Variants in PPP1R9A observed in about 807,000 individuals in gnomAD.
PPP1R9A encodes the protein protein phosphatase 1 regulatory subunit 9A.
A neutral mutation model predicts 141.9 loss-of-function variants in PPP1R9A; 59 were observed. The observed-to-expected ratio is 0.42, with a 90% CI of 0.34 to 0.52. The LOEUF is 0.52. Among genes scored for constraint, PPP1R9A ranks in the 20% least tolerant of loss-of-function variants. The pLI, the probability that PPP1R9A is intolerant of heterozygous loss-of-function variation, is 0.10. For synonymous variants in PPP1R9A, 500 were observed against 569.7 expected, an observed-to-expected ratio of 0.88 and a Z score of 1.74; for missense variants, 1,444 against 1,611.9, an observed-to-expected ratio of 0.90 and a Z score of 1.78.
intron 2 of PPP1R9A, among the ~76,000 whole-genome samples, chr7:95,089,721 G>GT (rs368117090): frequency 0.35 from 50,856 of 147,154 alleles, 9,773 homozygotes; most frequent in Non-Finnish European, 0.44. Context: ...TTAGAAGCTC[G>GT]TTTTTTTTTT....
At chr7:95,237,609 A>G (rs1796896252) in intron 8 of PPP1R9A, among the ~76,000 whole-genome samples, 1 of 152,174 alleles carries the variant, frequency 6.6e-6, no homozygotes, top group South Asian at 2.1e-4. Flanking sequence ...AGCATATATT[A>G]AAATCACCAG....
chr7:95,135,663 G>C (rs1188684876), intron 4 of PPP1R9A, among the ~76,000 whole-genome samples: 2 of 151,288 alleles, frequency 1.3e-5, no homozygotes, highest in African/African-American at 4.9e-5. Context: ...TTTAAAACTT[G>C]TTTTCAAAGT....
intron 2 of PPP1R9A, among the ~76,000 whole-genome samples, chr7:94,965,615 G>A (rs769246610): frequency 3.4e-4 from 52 of 152,144 alleles, no homozygotes; most frequent in Non-Finnish European, 5.3e-4. Flanking sequence ...GGTTTGTCAA[G>A]GATCAGATGG....
intron 2 of PPP1R9A, among the ~76,000 whole-genome samples, chr7:95,094,250 C>A (rs1162475899): frequency 6.6e-6 from 1 of 152,160 alleles, no homozygotes; most frequent in Admixed American, 6.5e-5. Flanking sequence ...CATGTTTGAA[C>A]TATATTCTCC....
At chr7:95,030,315 T>C (rs189502142) in intron 2 of PPP1R9A, among the ~76,000 whole-genome samples, 1 of 152,260 alleles carries the variant, frequency 6.6e-6, no homozygotes, top group Admixed American at 6.5e-5. Context: ...TTTAAAAACA[T>C]CTTTCAAATG....
In PPP1R9A at chr7:95,290,449, T is replaced by G; in HGVS notation, c.*146T>G. 1 of 855,778 alleles carries G rather than the reference T, an allele frequency of 1.2e-6. No homozygotes were observed. Among genetic ancestry groups the G allele is most frequent in the Non-Finnish European group, 1.8e-6 (1 of 568,484 alleles). The allele number at this position is 855,778 out of a possible 1,614,324, so 53.0% of individuals were successfully genotyped here. A position where few individuals can be genotyped will look rare whatever the true frequency, so the allele number is the denominator to read the frequency against. Reference sequence around the variant, plus strand: ...GCTGAGGAACTGTGTGTTGAATAACTGCATTTTCTGCAATAGAATGCACTC... The same window carrying G: ...GCTGAGGAACTGTGTGTTGAATAACGGCATTTTCTGCAATAGAATGCACTC... On this transcript the variant is annotated 3_prime_UTR_variant, in exon 20 of 20. Coordinates refer to ENST00000433360, the MANE Select transcript of PPP1R9A (RefSeq NM_001166160.2).
intron 2 of PPP1R9A, among the ~76,000 whole-genome samples, chr7:94,968,520 C>CT (rs571011554): frequency 4.6e-5 from 7 of 150,952 alleles, no homozygotes; most frequent in South Asian, 2.1e-4. Flanking sequence ...GCAACCCCTG[C>CT]TTTTTTTTTG....
chr7:94,973,724 T>C (rs554060816), intron 2 of PPP1R9A, among the ~76,000 whole-genome samples: 1 of 150,364 alleles, frequency 6.7e-6, no homozygotes, highest in East Asian at 1.9e-4. Context: ...TTTCTTTCTT[T>C]TTTTTTTTTT....
chr7:95,269,657 C>T, intron 14 of PPP1R9A, 150 bp downstream of exon 14: 1 of 600,544 alleles, frequency 1.7e-6, no homozygotes, highest in Non-Finnish European at 2.5e-6. Context: ...GAAACAACCC[C>T]TCCATGTATT....
At chr7:95,147,113 C>T (rs1827770759) in intron 4 of PPP1R9A, among the ~76,000 whole-genome samples, 1 of 152,156 alleles carries the variant, frequency 6.6e-6, no homozygotes, top group Admixed American at 6.5e-5. Flanking sequence ...GATATTGATT[C>T]TTCCTATCCA....
rs1294046111 is a variant in PPP1R9A, at chr7:95,204,843, A to C, written c.1956+1113A>C. The stretch of plus-strand genomic sequence containing the variant: ...ACACACCACACATACCCTCACAACC[A>C]CACACACACCACACACACGACAAAC... On this transcript the variant is annotated intron_variant, in intron 7 of 19. Coordinates refer to ENST00000433360, the MANE Select transcript of PPP1R9A (RefSeq NM_001166160.2). 9.8e-5 allele frequency among the ~76,000 whole-genome samples: 14 copies of C among 143,314 alleles called. No individual in the cohort carries two copies. The Admixed American group carries it at 9.9e-4, about 10-fold the overall frequency. The allele number at this position is 143,314 out of a possible 152,430, so 94.0% of individuals were successfully genotyped here. A position where few individuals can be genotyped will look rare whatever the true frequency, so the allele number is the denominator to read the frequency against.
intron 2 of PPP1R9A, among the ~76,000 whole-genome samples, chr7:94,914,778 A>G (rs904862788): frequency 3.9e-5 from 6 of 152,202 alleles, no homozygotes; most frequent in Admixed American, 6.5e-5. Flanking sequence ...TGGAGCCCCT[A>G]ATATGTGTCA....
chr7:95,280,616 G>A (rs1804021385), intron 16 of PPP1R9A, among the ~76,000 whole-genome samples: 1 of 152,152 alleles, frequency 6.6e-6, no homozygotes, highest in African/African-American at 2.4e-5. Context: ...CTTTCTCCCA[G>A]TTCCTAGGAG....
intron 2 of PPP1R9A, among the ~76,000 whole-genome samples, chr7:95,013,232 A>G (rs1035461244): frequency 6.6e-6 from 1 of 152,110 alleles, no homozygotes; most frequent in African/African-American, 2.4e-5. Context: ...GGGTTTACCG[A>G]TGGGGCAGTC....
intron 2 of PPP1R9A, among the ~76,000 whole-genome samples, chr7:94,973,841 C>T (rs1288058166): frequency 6.6e-6 from 1 of 151,700 alleles, no homozygotes; most frequent in African/African-American, 2.4e-5. Context: ...TCTCAGCCTC[C>T]CAAGTAGCTG....
chr7:95,225,246 A>G lies in PPP1R9A; in HGVS notation c.1957-715A>G, dbSNP rs527804859. On this transcript the variant is annotated intron_variant, in intron 7 of 19. Coordinates refer to ENST00000433360, the MANE Select transcript of PPP1R9A (RefSeq NM_001166160.2). ...AGGGGCAACCACTACTAACTGGCCA[A>G]TTGTTATCATGTCCCAATATGCCTA... Among the ~76,000 whole-genome samples, 8 of 152,220 alleles carry G rather than the reference A, an allele frequency of 5.3e-5. No individual in the cohort carries two copies. The South Asian group carries it at 1.7e-3, about 32-fold the overall frequency.
At chr7:94,961,189 T>TA (rs142658737) in intron 2 of PPP1R9A, among the ~76,000 whole-genome samples, 10,099 of 151,184 alleles carry the variant, frequency 0.067, 431 homozygotes, top group African/African-American at 0.12. Context: ...GACTGGTTAA[T>TA]AAAAAAAACA....
At chr7:95,012,347 C>T (rs1804542214) in intron 2 of PPP1R9A, among the ~76,000 whole-genome samples, 1 of 151,934 alleles carries the variant, frequency 6.6e-6, no homozygotes, top group Non-Finnish European at 1.5e-5. Flanking sequence ...CAACCACATA[C>T]CCTGAGAACT....
At chr7:95,089,567 G>C (rs1817059660) in intron 2 of PPP1R9A, among the ~76,000 whole-genome samples, 1 of 151,966 alleles carries the variant, frequency 6.6e-6, no homozygotes, top group Non-Finnish European at 1.5e-5. Context: ...TGGAGATTCT[G>C]GGAAGATGGC....
Sources: allele counts gnomAD v4.1 joint callset (sites outside exome capture counted in the v4.1 genomes callset), GRCh38; gene constraint gnomAD v4.1.1; transcripts MANE v1.5; gene names NCBI Gene and HGNC (gene_info 2026-07-23, HGNC 2026-07-21).